Variants in SYT9 observed in about 807,000 individuals in gnomAD.
The protein encoded by SYT9 is synaptotagmin 9.
In SYT9, 22 loss-of-function variants were observed where a neutral mutation model predicts 48.4. The ratio of observed to expected loss-of-function variants is 0.45; its 90% CI spans 0.32 to 0.65. The LOEUF (loss-of-function observed/expected upper bound fraction) is 0.65, where lower values mean the gene tolerates loss of function less well. SYT9 is among the 30% of genes least tolerant of loss of function. SYT9 has a pLI of 0.03. For synonymous variants in SYT9, 265 were observed against 245.0 expected, an observed-to-expected ratio of 1.08 and a Z score of -0.76; for missense variants, 577 against 622.0, an observed-to-expected ratio of 0.93 and a Z score of 0.77.
chr11:7,405,132 T>G (rs1846980743), intron 3 of SYT9, among the ~76,000 whole-genome samples: 1 of 151,794 alleles, frequency 6.6e-6, no homozygotes, highest in Non-Finnish European at 1.5e-5. Context: ...TGCCACCCTT[T>G]ATATTTGACT....
At chr11:7,379,585 G>A (rs983889620) in intron 3 of SYT9, among the ~76,000 whole-genome samples, 3 of 152,088 alleles carry the variant, frequency 2.0e-5, no homozygotes, top group Non-Finnish European at 4.4e-5. Flanking sequence ...TCATGAAGAA[G>A]TTTAGTTTCT....
chr11:7,325,166 G>T (rs1472859961), intron 3 of SYT9, among the ~76,000 whole-genome samples: 1 of 151,934 alleles, frequency 6.6e-6, no homozygotes, highest in Non-Finnish European at 1.5e-5. Context: ...TTGGTAGCTT[G>T]ATGGGGATGG....
intron 3 of SYT9, among the ~76,000 whole-genome samples, chr11:7,353,820 AGTATAT>A (rs1265856256): frequency 6.6e-6 from 1 of 152,214 alleles, no homozygotes. Flanking sequence ...ACTGACTGCC[AGTATAT>A]GTATATTTTC....
chr11:7,424,847 C>A (rs1278926680), intron 6 of SYT9, among the ~76,000 whole-genome samples: 2 of 152,234 alleles, frequency 1.3e-5, no homozygotes, highest in Admixed American at 6.5e-5. Context: ...GTCTGACTGT[C>A]TGCTGGGACC....
chr11:7,459,419 A>G (rs778978696), intron 6 of SYT9, among the ~76,000 whole-genome samples: 1 of 152,232 alleles, frequency 6.6e-6, no homozygotes, highest in Non-Finnish European at 1.5e-5. Context: ...ATAGACTGAG[A>G]AGGAGCAAGT....
At chr11:7,319,186 C>CT (rs1849294575) in intron 3 of SYT9, among the ~76,000 whole-genome samples, 6 of 79,270 alleles carry the variant, frequency 7.6e-5, no homozygotes, top group African/African-American at 2.9e-4. Context: ...TTCTTTTCTT[C>CT]TTTTTCTTTT....
Position 7,303,165 on chromosome 11 carries a change from G to T in SYT9, c.272G>T (p.Ser91Ile). 1 of 1,614,186 alleles carries T rather than the reference G, an allele frequency of 6.2e-7. No individual in the cohort carries two copies. Among genetic ancestry groups the T allele is most frequent in the Non-Finnish European group, 8.5e-7 (1 of 1,180,040 alleles). Residue 91 changes from serine (S) to isoleucine (I), a missense_variant, in exon 2 of 7, where the codon AGC (serine) becomes ATC (isoleucine). Physicochemically the swap from Ser to Ile is moderately radical, Grantham distance 142. Transcript: ENST00000318881. ...CGAGAACGAGGCCTGCCCTCTGGTAGCAAAGACAACAACCAGGAGCCCCTT... is the reference window on the plus strand; with the variant it reads ...CGAGAACGAGGCCTGCCCTCTGGTATCAAAGACAACAACCAGGAGCCCCTT... ...PWRERGLPSG[S>I]KDNNQEPLNY...
intron 3 of SYT9, among the ~76,000 whole-genome samples, chr11:7,367,226 C>T (rs1490341994): frequency 8.1e-5 from 12 of 147,880 alleles, no homozygotes; most frequent in Non-Finnish European, 1.5e-4. Context: ...GAACTACAGG[C>T]GCCCGCCACT....
intron 2 of SYT9, among the ~76,000 whole-genome samples, chr11:7,306,463 C>T (rs1047549387): frequency 1.3e-5 from 2 of 152,212 alleles, no homozygotes; most frequent in Admixed American, 6.5e-5. Context: ...TGGCCAAGGC[C>T]ACCATGTTGC....
At chr11:7,448,272 G>A (rs1847973514) in intron 6 of SYT9, among the ~76,000 whole-genome samples, 1 of 152,240 alleles carries the variant, frequency 6.6e-6, no homozygotes, top group African/African-American at 2.4e-5. Flanking sequence ...GGTTCTATCT[G>A]GGATTTATTC....
intron 1 of SYT9, among the ~76,000 whole-genome samples, chr11:7,276,872 C>G (rs1161003223): frequency 1.3e-5 from 2 of 151,614 alleles, no homozygotes; most frequent in African/African-American, 2.4e-5. Context: ...ATAGCGAAAC[C>G]TCATCTCTAC....
chr11:7,432,570 A>G (rs1490320811), intron 6 of SYT9, among the ~76,000 whole-genome samples: 1 of 16,916 alleles, frequency 5.9e-5, no homozygotes, highest in Non-Finnish European at 1.1e-4. Context: ...AAAAAAAAAA[A>G]AAAAAAAAAA....
At chr11:7,390,569 A>G (rs895496236) in intron 3 of SYT9, among the ~76,000 whole-genome samples, 1 of 152,238 alleles carries the variant, frequency 6.6e-6, no homozygotes, top group African/African-American at 2.4e-5. Context: ...CATATGTAAA[A>G]TAAAGAAGCA....
chr11:7,393,296 T>TG (rs559879542), intron 3 of SYT9, among the ~76,000 whole-genome samples: 1 of 19,112 alleles, frequency 5.2e-5, no homozygotes, highest in South Asian at 1.8e-3. Context: ...TTGTTGAGGT[T>TG]TTTTTTTTTT....
intron 1 of SYT9, among the ~76,000 whole-genome samples, chr11:7,256,397 G>A (rs1847971232): frequency 6.6e-6 from 1 of 152,204 alleles, no homozygotes; most frequent in Admixed American, 6.5e-5. Flanking sequence ...TCAGGTGAGA[G>A]TTGTAGGCAC....
intron 1 of SYT9, among the ~76,000 whole-genome samples, chr11:7,244,221 A>C (rs1191427333): frequency 1.3e-5 from 2 of 152,246 alleles, no homozygotes; most frequent in African/African-American, 2.4e-5. Context: ...AAAGTGAAAG[A>C]AATGGACTTA....
chr11:7,275,435 G>T (rs1471855920), intron 1 of SYT9, among the ~76,000 whole-genome samples: 1 of 152,164 alleles, frequency 6.6e-6, no homozygotes, highest in Non-Finnish European at 1.5e-5. Context: ...TTGAAACAGT[G>T]ATTACTGCTT....
chr11:7,303,321 G>A lies in SYT9; in HGVS notation c.428G>A (p.Gly143Glu), dbSNP rs1848967581. 1.9e-6 allele frequency: 3 copies of A among 1,613,802 alleles called. No individual in the cohort carries two copies. Among genetic ancestry groups the A allele is most frequent in the Non-Finnish European group, 2.5e-6 (3 of 1,180,028 alleles). Residue 143 changes from glycine (G) to glutamate (E), a missense_variant, in exon 2 of 7, where the codon GGG (glycine) becomes GAG (glutamate). Transcript: ENST00000318881. The stretch of plus-strand genomic sequence containing the variant: ...GACATTCCCCTCTCCACCCAGACGG[G>A]GATCCAGGAGAACTGTGCCCATGGC... Reference protein sequence around the residue: ...SPDIPLSTQTGIQENCAHGVR... With the variant: ...SPDIPLSTQTEIQENCAHGVR...
intron 3 of SYT9, among the ~76,000 whole-genome samples, chr11:7,337,120 T>C (rs1434905113): frequency 2.0e-5 from 3 of 152,154 alleles, no homozygotes; most frequent in Non-Finnish European, 4.4e-5. Flanking sequence ...GTGAATGGGA[T>C]TGCATTCCTG....
Sources: allele counts gnomAD v4.1 joint callset (sites outside exome capture counted in the v4.1 genomes callset), GRCh38; gene constraint gnomAD v4.1.1; transcripts MANE v1.5; gene names NCBI Gene and HGNC (gene_info 2026-07-23, HGNC 2026-07-21).